Variants in GRB10 observed in about 807,000 individuals in gnomAD.
GRB10 encodes growth factor receptor-bound protein 10.
In GRB10, 20 loss-of-function variants were observed where a neutral mutation model predicts 80.9. The ratio of observed to expected loss-of-function variants is 0.25; its 90% confidence interval spans 0.17 to 0.36. The LOEUF (loss-of-function observed/expected upper bound fraction) is 0.36, where lower values mean the gene tolerates loss of function less well. Among genes scored for constraint, GRB10 ranks in the 10% least tolerant of loss-of-function variants. The pLI, the probability that GRB10 is intolerant of heterozygous loss-of-function variation, is 1.00. For missense variants in GRB10, 548 were observed against 747.7 expected, an observed-to-expected ratio of 0.73 and a Z score of 3.12; for synonymous variants, 291 against 291.5, an observed-to-expected ratio of 1.00 and a Z score of 0.02.
intron 4 of GRB10, among the ~76,000 whole-genome samples, chr7:50,731,855 G>GT (rs1409345590): frequency 2.0e-5 from 3 of 152,128 alleles, no homozygotes; most frequent in Admixed American, 6.6e-5. Context: ...TCCCTCACGC[G>GT]TGAGCACATG....
chr7:50,612,480 C>T (rs1422085469), intron 13 of GRB10, among the ~76,000 whole-genome samples: 4 of 152,108 alleles, frequency 2.6e-5, no homozygotes, highest in South Asian at 2.1e-4. Context: ...CCCAGACCCC[C>T]GACAAAGAAT....
At chr7:50,672,302 C>T (rs1232231475) in intron 6 of GRB10, among the ~76,000 whole-genome samples, 1 of 152,214 alleles carries the variant, frequency 6.6e-6, no homozygotes, top group Non-Finnish European at 1.5e-5. Flanking sequence ...AGTTACCGCC[C>T]CGCTGTGCCA....
intron 3 of GRB10, among the ~76,000 whole-genome samples, chr7:50,736,644 C>A (rs1471686807): frequency 6.6e-6 from 1 of 152,074 alleles, no homozygotes; most frequent in Non-Finnish European, 1.5e-5. Flanking sequence ...ATTAGCCAGG[C>A]ATGGTCACGT....
intron 5 of GRB10, among the ~76,000 whole-genome samples, chr7:50,698,457 T>C (rs2063728433): frequency 6.6e-6 from 1 of 151,940 alleles, no homozygotes; most frequent in African/African-American, 2.4e-5. Context: ...AGGCATTTTG[T>C]TCTTTCACTT....
At chr7:50,717,986 C>T (rs2067145244) in intron 4 of GRB10, among the ~76,000 whole-genome samples, 1 of 152,262 alleles carries the variant, frequency 6.6e-6, no homozygotes, top group South Asian at 2.1e-4. Context: ...AGAGACTCCT[C>T]TGTCACTCCA....
intron 7 of GRB10, among the ~76,000 whole-genome samples, chr7:50,663,795 C>A (rs919738969): frequency 6.6e-6 from 1 of 152,338 alleles, no homozygotes; most frequent in Non-Finnish European, 1.5e-5. Flanking sequence ...GACGCCAGAT[C>A]CAGTGCCCAT....
intron 8 of GRB10, among the ~76,000 whole-genome samples, chr7:50,621,082 C>T (rs1342339366): frequency 6.6e-6 from 1 of 152,180 alleles, no homozygotes; most frequent in Non-Finnish European, 1.5e-5. Flanking sequence ...TCCAAAGAAC[C>T]CTGAGGAGAG....
intron 5 of GRB10, among the ~76,000 whole-genome samples, chr7:50,681,925 G>C (rs2061582727): frequency 6.6e-6 from 1 of 152,138 alleles, no homozygotes; most frequent in Non-Finnish European, 1.5e-5. Flanking sequence ...TCTGACTCTG[G>C]GTGTGTCAGT....
chr7:50,788,333 G>C (rs1173603180), intron 1 of GRB10, among the ~76,000 whole-genome samples: 1 of 152,176 alleles, frequency 6.6e-6, no homozygotes, highest in Non-Finnish European at 1.5e-5. Context: ...GCAGTGAGCA[G>C]CCTTGGAGGT....
In GRB10 at chr7:50,626,848, A is replaced by G. The variant is rs115496482; in HGVS notation, c.635T>C (p.Val212Ala). 1 of 1,614,018 alleles carries G rather than the reference A, an allele frequency of 6.2e-7. No homozygotes were observed. Among genetic ancestry groups the G allele is most frequent in the Non-Finnish European group, 8.5e-7 (1 of 1,180,038 alleles). The change falls in exon 8 of 19, where the codon GTG becomes GCG. Residue 212 changes from valine to alanine, a missense_variant. Val to Ala is a moderately conservative substitution (Grantham distance 64, BLOSUM62 0). This residue lies in a region of GRB10 where 270 missense variants were observed against 433.6 expected (regional missense o/e 0.62). Transcript: ENST00000401949. ...HCVDDNSWTL[V>A]EHHPHLGLER... The stretch of plus-strand genomic sequence containing the variant: ...TAATCCTAGGTGCGGGTGGTGCTCC[A>G]CTAGTGTCCAGCTGTTGTCATCCAC...
intron 5 of GRB10, among the ~76,000 whole-genome samples, chr7:50,685,811 G>A (rs1040442024): frequency 2.6e-5 from 4 of 152,144 alleles, no homozygotes; most frequent in East Asian, 1.9e-4. Context: ...AGTACCAGGC[G>A]ATTCCAAGAA....
chr7:50,676,271 T>TG (rs2060916099), intron 5 of GRB10, among the ~76,000 whole-genome samples: 1 of 144,998 alleles, frequency 6.9e-6, no homozygotes, highest in African/African-American at 2.6e-5. Context: ...GCCCAGGACG[T>TG]GGGCTTCCTA....
intron 3 of GRB10, among the ~76,000 whole-genome samples, chr7:50,753,220 T>C (rs2074449401): frequency 6.6e-6 from 1 of 152,208 alleles, no homozygotes; most frequent in South Asian, 2.1e-4. Flanking sequence ...TGACAATAAC[T>C]AGCTCTTCTC....
At chr7:50,697,894 GCA>G (rs985687971) in intron 5 of GRB10, among the ~76,000 whole-genome samples, 1 of 152,186 alleles carries the variant, frequency 6.6e-6, no homozygotes. Context: ...GGTCCATTCT[GCA>G]CAGACTCACA....
At chr7:50,765,409 G>C (rs564348070) in intron 2 of GRB10, among the ~76,000 whole-genome samples, 1 of 152,178 alleles carries the variant, frequency 6.6e-6, no homozygotes, top group Non-Finnish European at 1.5e-5. Context: ...ATATGGAATC[G>C]ATCTAAGTGT....
intron 13 of GRB10, chr7:50,607,107 A>G (rs2048683169): frequency 6.5e-6 from 1 of 153,308 alleles, no homozygotes; most frequent in Non-Finnish European, 1.5e-5. Context: ...GGAGATAATT[A>G]GCAACACAAG....
At chr7:50,695,215 T>A (rs1043396774) in intron 5 of GRB10, among the ~76,000 whole-genome samples, 1 of 152,188 alleles carries the variant, frequency 6.6e-6, no homozygotes, top group African/African-American at 2.4e-5. Flanking sequence ...TTCCTCAAAT[T>A]TCAAACTCAT....
In GRB10 at chr7:50,613,527, C is replaced by T. The variant is rs557929315; in HGVS notation, c.1096-688G>A. Among the ~76,000 whole-genome samples, 6 of 152,276 alleles carry T rather than the reference C, an allele frequency of 3.9e-5. No individual in the cohort carries two copies. The East Asian group carries it at 5.8e-4, about 15-fold the overall frequency. On this transcript the variant is annotated intron_variant, in intron 12 of 18. Transcript: ENST00000401949. ...TGACCTGCATCTCCAGAAGAACCCCCGACCTCAGACTCAAGAAACAATGCT... is the reference window on the plus strand; with the variant it reads ...TGACCTGCATCTCCAGAAGAACCCCTGACCTCAGACTCAAGAAACAATGCT...
chr7:50,679,757 T>A (rs1050130649), intron 5 of GRB10, among the ~76,000 whole-genome samples: 1 of 152,202 alleles, frequency 6.6e-6, no homozygotes, highest in Non-Finnish European at 1.5e-5. Context: ...GCACTTTACA[T>A]GAAAAGTCTC....
Sources: gnomAD v4.1 joint callset for allele counts (sites outside exome capture counted in the v4.1 genomes callset) on GRCh38, gnomAD v4.1.1 for gene constraint, gnomAD v4.1.1 regional missense constraint, MANE v1.5 for transcripts, NCBI Gene and HGNC (gene_info 2026-07-23, HGNC 2026-07-21) for gene names.